Variants in RBM18 observed in about 807,000 individuals in gnomAD.
RBM18 encodes RNA binding motif protein 18.
Under a neutral mutation model 26.4 loss-of-function variants are expected in RBM18, and 18 were observed. That is an observed-to-expected ratio of 0.68 (90% CI 0.47 to 1.01). RBM18 has a LOEUF of 1.01. Ranked by LOEUF, RBM18 falls within the 50% of genes least tolerant of loss-of-function variation. The pLI, the probability that RBM18 is intolerant of heterozygous loss-of-function variation, is 0.00. For missense variants in RBM18, 180 were observed against 219.2 expected (o/e 0.82, Z 1.13); for synonymous variants, 74 against 81.1 (o/e 0.91, Z 0.47).
chr9:122,263,400 AG>A (rs1009077500), intron 1 of RBM18, among the ~76,000 whole-genome samples: 2 of 152,226 alleles, frequency 1.3e-5, no homozygotes, highest in African/African-American at 4.8e-5. Flanking sequence ...ATTTAATCCC[AG>A]GGGAGACACA....
At chr9:122,251,780 G>A in intron 3 of RBM18, 67 bp downstream of exon 3, 1 of 1,481,510 alleles carries the variant, frequency 6.7e-7, no homozygotes, top group African/African-American at 1.4e-5. Context: ...TAGTAGGCAA[G>A]AGACATGCAC....
In RBM18 at chr9:122,256,038, AAACAACAACAAC is replaced by A. The variant is rs3048199; in HGVS notation, c.114-4077_114-4066del. ...AGAGTGAGACTCTGTCTCAAAAAGA[AAACAACAACAAC>A]AACAACAACAACAACAAAAACCAAA... On this transcript the variant is annotated intron_variant, in intron 2 of 5. Coordinates refer to ENST00000417201, the MANE Select transcript of RBM18 (RefSeq NM_033117.4). Among the ~76,000 whole-genome samples, 950 of 151,702 alleles carry A rather than the reference AAACAACAACAAC, an allele frequency of 6.3e-3. 8 individuals are homozygous for A. The highest frequency in any genetic ancestry group is 0.021 in the African/African-American group (875 of 41,234).
At chr9:122,252,198 CA>C (rs1210886845) in intron 2 of RBM18, among the ~76,000 whole-genome samples, 6 of 152,144 alleles carry the variant, frequency 3.9e-5, no homozygotes, top group Admixed American at 2.0e-4. Context: ...CTGTCCAACA[CA>C]AAAATACCAA....
chr9:122,248,438 T>C (rs762678844), intron 3 of RBM18, among the ~76,000 whole-genome samples: 26 of 152,164 alleles, frequency 1.7e-4, no homozygotes, highest in Non-Finnish European at 2.9e-4. Context: ...GACTAGGGCA[T>C]ACTCCCTGGA....
intron 2 of RBM18, among the ~76,000 whole-genome samples, chr9:122,260,600 G>A (rs1395438202): frequency 3.3e-5 from 5 of 152,126 alleles, no homozygotes; most frequent in Non-Finnish European, 4.4e-5. Flanking sequence ...CTGTCTTTCG[G>A]GACTTGGTTT....
At position 122,239,898 on chromosome 9, in the gene RBM18, A is replaced by C. The variant is rs1831385670; in HGVS notation, c.*1986T>G. ...AGAACCCTCTGCAGAGAAGGCACTT[A>C]GAAGAAGCACCCCACGTGGACATGC... On this transcript the variant is annotated 3_prime_UTR_variant, in exon 6 of 6. Transcript: ENST00000417201. 1 of 152,254 alleles carries C rather than the reference A, an allele frequency of 6.6e-6. No individual in the cohort carries two copies. The allele number at this position is 152,254 out of a possible 1,614,324, so 9.4% of individuals were successfully genotyped here. A position where few individuals can be genotyped will look rare whatever the true frequency, so the allele number is the denominator to read the frequency against.
At chr9:122,257,812 T>C (rs531425718) in intron 2 of RBM18, among the ~76,000 whole-genome samples, 4 of 152,238 alleles carry the variant, frequency 2.6e-5, no homozygotes, top group African/African-American at 7.2e-5. Flanking sequence ...GGGACACATA[T>C]AAGAAAGAGA....
intron 3 of RBM18, among the ~76,000 whole-genome samples, chr9:122,250,893 A>G (rs1386257652): frequency 6.8e-6 from 1 of 146,158 alleles, no homozygotes; most frequent in Non-Finnish European, 1.5e-5. Flanking sequence ...ATAAAAAAAC[A>G]CTCATACAAA....
chr9:122,242,896 G>C (rs775630190), intron 5 of RBM18, among the ~76,000 whole-genome samples: 6 of 151,800 alleles, frequency 4.0e-5, no homozygotes, highest in Non-Finnish European at 8.8e-5. Context: ...GTGTGATTTC[G>C]GCTCACTGCA....
chr9:122,247,626 G>A (rs1831525400), intron 3 of RBM18, 22 bp from the exon 4 acceptor site: 1 of 1,600,702 alleles, frequency 6.2e-7, no homozygotes, highest in Non-Finnish European at 8.6e-7. Flanking sequence ...AGGGACAAAT[G>A]TTAGTTAAAA....
At position 122,247,608 on chromosome 9, in the gene RBM18, T is replaced by TG; in HGVS notation, c.241-5_241-4insC. ...ACTGGATGGCTTGCTCTGCTTCCTG[T>TG]CCAGGAAAGGGACAAATGTTAGTTA... On this transcript the variant is annotated splice_polypyrimidine_tract_variant and splice_region_variant and intron_variant, in intron 3 of 5. Coordinates refer to ENST00000417201, the MANE Select transcript of RBM18 (RefSeq NM_033117.4). 1 of 1,612,866 alleles carries TG rather than the reference T, an allele frequency of 6.2e-7. No individual in the cohort carries two copies. Among genetic ancestry groups the TG allele is most frequent in the Non-Finnish European group, 8.5e-7 (1 of 1,179,178 alleles).
chr9:122,242,173 AT>A, intron 5 of RBM18, 130 bp from the exon 6 acceptor site: 1 of 857,906 alleles, frequency 1.2e-6, no homozygotes, highest in Non-Finnish European at 1.7e-6. Flanking sequence ...ACATTTAAAC[AT>A]TTTATATAAA....
At chr9:122,262,980 G>A (rs575678842) in intron 1 of RBM18, among the ~76,000 whole-genome samples, 1 of 152,256 alleles carries the variant, frequency 6.6e-6, no homozygotes, top group Admixed American at 6.5e-5. Context: ...AAGGCTTCGA[G>A]GACCAAAAAT....
intron 2 of RBM18, among the ~76,000 whole-genome samples, chr9:122,253,233 C>G (rs926604280): frequency 1.8e-4 from 28 of 152,066 alleles, no homozygotes; most frequent in African/African-American, 6.5e-4. Context: ...CTTTGGGAGG[C>G]AGAAAGATAT....
intron 2 of RBM18, among the ~76,000 whole-genome samples, chr9:122,257,439 G>A (rs957794860): frequency 1.1e-4 from 16 of 152,094 alleles, no homozygotes; most frequent in African/African-American, 2.9e-4. Flanking sequence ...GAACCCCACC[G>A]CGCCCAGCCA....
At position 122,239,782 on chromosome 9, in the gene RBM18, G is replaced by C. The variant is rs1831382609; in HGVS notation, c.*2102C>G. 1 of 152,230 alleles carries C rather than the reference G, an allele frequency of 6.6e-6. No individual in the cohort carries two copies. The highest frequency in any genetic ancestry group is 2.4e-5 in the African/African-American group (1 of 41,446). 9.4% of individuals were successfully genotyped at this position (152,230 alleles called of 1,614,324 possible). On this transcript the variant is annotated 3_prime_UTR_variant, in exon 6 of 6. Transcript: ENST00000417201. The stretch of plus-strand genomic sequence containing the variant: ...TTTTCAAATAGTGACATTTGCAATG[G>C]AAACAGCTGGTCTCTATTCTCATCT...
intron 2 of RBM18, among the ~76,000 whole-genome samples, chr9:122,252,389 C>A (rs918595388): frequency 7.1e-6 from 1 of 139,968 alleles, no homozygotes; most frequent in Non-Finnish European, 1.5e-5. Flanking sequence ...AAAGACAAAG[C>A]CTATCCTATC....
intron 1 of RBM18, among the ~76,000 whole-genome samples, chr9:122,264,126 T>C (rs903389638): frequency 6.6e-6 from 1 of 152,250 alleles, no homozygotes; most frequent in African/African-American, 2.4e-5. Context: ...GTACACTGCC[T>C]GTCTCACGGT....
At chr9:122,251,609 G>C (rs1831607129) in intron 3 of RBM18, among the ~76,000 whole-genome samples, 1 of 152,178 alleles carries the variant, frequency 6.6e-6, no homozygotes, top group Non-Finnish European at 1.5e-5. Flanking sequence ...CAGTGCATTT[G>C]GTCAAAAATG....
Sources: gnomAD v4.1 joint callset for allele counts (sites outside exome capture counted in the v4.1 genomes callset) on GRCh38, gnomAD v4.1.1 for gene constraint, MANE v1.5 for transcripts, NCBI Gene and HGNC (gene_info 2026-07-23, HGNC 2026-07-21) for gene names.